Variants in PTP4A2 observed in about 807,000 individuals in gnomAD.
PTP4A2 encodes the protein protein tyrosine phosphatase type IVA 2.
A neutral mutation model predicts 22.9 loss-of-function variants in PTP4A2; 2 were observed. That is an observed-to-expected ratio of 0.09 (90% CI 0.04 to 0.27). The LOEUF is 0.27. PTP4A2 is among the 10% of genes least tolerant of loss of function. The pLI, the probability that PTP4A2 is intolerant of heterozygous loss-of-function variation, is 1.00. For missense variants in PTP4A2, 103 were observed against 205.1 expected, an observed-to-expected ratio of 0.50 and a Z score of 3.04; for synonymous variants, 68 against 69.1, an observed-to-expected ratio of 0.98 and a Z score of 0.08.
rs764814270 is a variant in PTP4A2, at chr1:31,910,365, C to T, written c.321-253G>A. On this transcript the variant is annotated intron_variant, in intron 4 of 5. Coordinates refer to ENST00000647444, the MANE Select transcript of PTP4A2 (RefSeq NM_080391.4). ...GTGCAGTGGCACAATCACGGCTCAC[C>T]GCAGCCTCAACCTCCCAAAGCTCAG... 39 of 322,946 alleles carry T rather than the reference C, an allele frequency of 1.2e-4. 1 individual carries two copies. The highest frequency in any genetic ancestry group is 1.7e-4 in the Non-Finnish European group (30 of 172,240). The allele number at this position is 322,946 out of a possible 1,614,324, so 20.0% of individuals were successfully genotyped here. A position where few individuals can be genotyped will look rare whatever the true frequency, so the allele number is the denominator to read the frequency against.
chr1:31,929,702 T>C (rs1652634743), intron 1 of PTP4A2, among the ~76,000 whole-genome samples: 1 of 152,220 alleles, frequency 6.6e-6, no homozygotes, highest in South Asian at 2.1e-4. Context: ...GTCTTAATCA[T>C]TTTAATTTAG....
chr1:31,916,876 A>C (rs958579960), intron 2 of PTP4A2, among the ~76,000 whole-genome samples: 7 of 152,218 alleles, frequency 4.6e-5, no homozygotes, highest in African/African-American at 1.7e-4. Context: ...ATTAACAATT[A>C]AATGTTGTTA....
rs749773683 is a variant in PTP4A2 at position 31,915,941 on chromosome 1, G to A, written c.143C>T (p.Ala48Val). 3.4e-5 allele frequency: 55 copies of A among 1,606,304 alleles called. No homozygotes were observed. Among genetic ancestry groups the A allele is most frequent in the Non-Finnish European group, 4.6e-5 (54 of 1,176,534 alleles). ...GVTTLVRVCD[A>V]TYDKAPVEKE... ...TTCAACTGGAGCTTTATCATATGTAGCATCACAAACTCGAACCAAAGTCGT... is the reference window on the plus strand; with the variant it reads ...TTCAACTGGAGCTTTATCATATGTAACATCACAAACTCGAACCAAAGTCGT... The change falls in exon 3 of 6, where the codon GCT becomes GTT. Residue 48 changes from alanine to valine, a missense_variant. Coordinates refer to ENST00000647444, the MANE Select transcript of PTP4A2 (RefSeq NM_080391.4).
At chr1:31,916,516 T>A (rs937029793) in intron 2 of PTP4A2, among the ~76,000 whole-genome samples, 1 of 152,130 alleles carries the variant, frequency 6.6e-6, no homozygotes, top group African/African-American at 2.4e-5. Flanking sequence ...GGCAGTTTGG[T>A]AGCATAACGT....
intron 1 of PTP4A2, among the ~76,000 whole-genome samples, chr1:31,928,999 G>T (rs1652606124): frequency 2.0e-5 from 3 of 152,156 alleles, no homozygotes; most frequent in Admixed American, 2.0e-4. Flanking sequence ...CCACCAAAAT[G>T]AAAAGGGAGT....
chr1:31,924,900 TA>T lies in PTP4A2; in HGVS notation c.-593-5243del, dbSNP rs574790599. Among the ~76,000 whole-genome samples the T allele has an allele frequency of 4.4e-3, 657 of 150,352 alleles. 5 individuals carry two copies. Among genetic ancestry groups the T allele is most frequent in the African/African-American group, 0.015 (616 of 40,904 alleles). ...ATTAAGAAAGGAGGGAGATAAGGGATAAAAAAAAAGAAAAAACTATCCAGAG... is the reference window on the plus strand; with the variant it reads ...ATTAAGAAAGGAGGGAGATAAGGGATAAAAAAAAGAAAAAACTATCCAGAG... On this transcript the variant is annotated intron_variant, in intron 1 of 5. Coordinates refer to ENST00000647444, the MANE Select transcript of PTP4A2 (RefSeq NM_080391.4).
rs1312533310 is a variant in PTP4A2, at chr1:31,937,977, G to A, written c.-594+10C>T. The A allele has an allele frequency of 6.6e-6, 1 of 152,470 alleles. No homozygotes were observed. The highest frequency in any genetic ancestry group is 2.4e-5 in the African/African-American group (1 of 41,232). 9.4% of individuals were successfully genotyped at this position (152,470 alleles called of 1,614,324 possible). On this transcript the variant is annotated intron_variant, in intron 1 of 5. Transcript: ENST00000647444. ...CCGGCGCGGGGGCCGCCCGGGAGGG[G>A]CGCACTCACGCTGGCGAGCTGGGGA...
Position 31,908,860 on chromosome 1 carries a change from C to G in PTP4A2, c.496G>C (p.Val166Leu), listed in dbSNP as rs201098063. The change falls in exon 6 of 6, where the codon GTT becomes CTT. Residue 166 changes from valine to leucine, a missense_variant. Around this residue, in one of 3 missense-constraint regions of PTP4A2, gnomAD observed 35 missense variants for 64.5 expected, o/e 0.54. Transcript: ENST00000647444. Reference sequence around the variant, plus strand: ...TTCGTTTACATTTCCTTCTACTGAACACAGCAATGCCCATTGGTATCTCTG... The same window carrying G: ...TTCGTTTACATTTCCTTCTACTGAAGACAGCAATGCCCATTGGTATCTCTG... ...RFRDTNGHCC[V>L]Q The G allele has an allele frequency of 1.2e-6, 2 of 1,610,310 alleles. No individual in the cohort carries two copies. Among genetic ancestry groups the G allele is most frequent in the South Asian group, 2.2e-5 (2 of 90,838 alleles).
chr1:31,910,025 A>G lies in PTP4A2; in HGVS notation c.395+13T>C. The stretch of plus-strand genomic sequence containing the variant: ...GCTTTCTGTGTTTCTGAACACAAAA[A>G]CTTCATACTCACTGTCTTATAAACT... On this transcript the variant is annotated intron_variant, in intron 5 of 5. Coordinates refer to ENST00000647444, the MANE Select transcript of PTP4A2 (RefSeq NM_080391.4). 1 of 1,596,884 alleles carries G rather than the reference A, an allele frequency of 6.3e-7. No homozygotes were observed. The highest frequency in any genetic ancestry group is 8.6e-7 in the Non-Finnish European group (1 of 1,165,644).
chr1:31,930,929 T>G (rs1482973104), intron 1 of PTP4A2: 3 of 152,228 alleles, frequency 2.0e-5, no homozygotes, highest in Admixed American at 1.3e-4. Context: ...TATTCTTTAC[T>G]CACTAGCTCA....
intron 1 of PTP4A2, among the ~76,000 whole-genome samples, chr1:31,923,428 G>A (rs980902482): frequency 1.4e-5 from 2 of 143,834 alleles, no homozygotes; most frequent in Admixed American, 1.5e-4. Context: ...TCCGCCTCCC[G>A]GGTTCACGCC....
chr1:31,910,222 T>C (rs2124138217), intron 4 of PTP4A2, 110 bp from the exon 5 acceptor site: 1 of 720,004 alleles, frequency 1.4e-6, no homozygotes, highest in South Asian at 1.6e-5. Flanking sequence ...CTTTTTCCTG[T>C]ATACTAAAGT....
rs894382854 is a variant in PTP4A2, at chr1:31,923,329, CTTTTTTT to C, written c.-593-3678_-593-3672del. On this transcript the variant is annotated intron_variant, in intron 1 of 5. Transcript: ENST00000647444. ...ACAAGTGATCCTTCTGCCTCAACCT[CTTTTTTT>C]TTTTTTTTTTTTTTTTGAGACGGAG... Among the ~76,000 whole-genome samples, 262 of 113,948 alleles carry C rather than the reference CTTTTTTT, an allele frequency of 2.3e-3. No homozygotes were observed. The South Asian group carries it at 0.024, about 11-fold the overall frequency. The allele number at this position is 113,948 out of a possible 152,430, so 74.8% of individuals were successfully genotyped here. A position where few individuals can be genotyped will look rare whatever the true frequency, so the allele number is the denominator to read the frequency against.
At chr1:31,914,539 C>T (rs1390783380) in intron 3 of PTP4A2, 1 of 227,014 alleles carries the variant, frequency 4.4e-6, no homozygotes, top group Non-Finnish European at 9.2e-6. Flanking sequence ...TACAGAACTA[C>T]CTCTCAATAA....
chr1:31,910,207 G>A (rs1651460480), intron 4 of PTP4A2, 95 bp from the exon 5 acceptor site: 1 of 888,752 alleles, frequency 1.1e-6, no homozygotes, highest in Admixed American at 2.2e-5. Context: ...CAACGCATGA[G>A]CTTTCTTTTT....
chr1:31,920,946 G>A (rs2124200131), intron 1 of PTP4A2, among the ~76,000 whole-genome samples: 1 of 152,228 alleles, frequency 6.6e-6, no homozygotes. Flanking sequence ...TAAATGGGTA[G>A]AGGATATTAA....
At chr1:31,913,968 T>C in intron 3 of PTP4A2, 1 of 443,860 alleles carries the variant, frequency 2.3e-6, no homozygotes, top group Non-Finnish European at 4.5e-6. Flanking sequence ...AGGGCTGCAT[T>C]TGACATGTTT....
rs370536901 is a variant in PTP4A2 at position 31,919,115 on chromosome 1, G to GAA, written c.-52_-51dup. ...TGCGTGTGAGTGTGATGGGGAAAGT[G>GAA]AAAAAAAAAAATCAATAAATCTTGA... On this transcript the variant is annotated 5_prime_UTR_variant, in exon 2 of 6. Coordinates refer to ENST00000647444, the MANE Select transcript of PTP4A2 (RefSeq NM_080391.4). The GAA allele has an allele frequency of 2.3e-5, 16 of 710,436 alleles. No individual in the cohort carries two copies. Among genetic ancestry groups the GAA allele is most frequent in the South Asian group, 5.7e-5 (3 of 53,054 alleles). The allele number at this position is 710,436 out of a possible 1,614,324, so 44.0% of individuals were successfully genotyped here. A position where few individuals can be genotyped will look rare whatever the true frequency, so the allele number is the denominator to read the frequency against.
chr1:31,935,284 C>G (rs764531255), intron 1 of PTP4A2, among the ~76,000 whole-genome samples: 1 of 152,162 alleles, frequency 6.6e-6, no homozygotes, highest in Non-Finnish European at 1.5e-5. Context: ...AGCACACACC[C>G]CGGGGCCCCA....
Sources: gnomAD v4.1 joint callset for allele counts (sites outside exome capture counted in the v4.1 genomes callset) on GRCh38, gnomAD v4.1.1 for gene constraint, gnomAD v4.1.1 regional missense constraint, MANE v1.5 for transcripts, NCBI Gene and HGNC (gene_info 2026-07-23, HGNC 2026-07-21) for gene names.